TSEN34: variants seen among roughly 807,000 people sequenced by gnomAD.
TSEN34 encodes tRNA splicing endonuclease subunit 34, also known as tRNA-splicing endonuclease subunit Sen34.
TSEN34 carries 25 observed loss-of-function variants against 30.2 expected under a neutral mutation model. That is an observed-to-expected ratio of 0.83 (90% CI 0.60 to 1.16). The LOEUF (loss-of-function observed/expected upper bound fraction) is 1.16. Among genes scored for constraint, TSEN34 ranks in the 50% most tolerant of loss-of-function variants. The pLI is 0.00. For synonymous variants in TSEN34, 209 were observed against 177.4 expected, an observed-to-expected ratio of 1.18 and a Z score of -1.41; for missense variants, 475 against 411.9, an observed-to-expected ratio of 1.15 and a Z score of -1.33.
At chr19:54,191,048 C>G, upstream of TSEN34, 1 of 1,247,008 alleles carries the variant, frequency 8.0e-7, no homozygotes, top group African/African-American at 1.6e-5. Context: ...GTAGGTACGG[C>G]AGTGCGGGCA....
chr19:54,191,419 G>GT lies in TSEN34; in HGVS notation c.56dup (p.Gln20AlafsTer84), dbSNP rs1323715762. The GT allele has an allele frequency of 6.5e-7, 1 of 1,548,882 alleles. No individual in the cohort carries two copies. Among genetic ancestry groups the GT allele is most frequent in the Non-Finnish European group, 8.7e-7 (1 of 1,146,864 alleles). The stretch of plus-strand genomic sequence containing the variant: ...CTCCCTGGTGTGGGGAGCCGAGGCG[G>GT]TGCAGGCCCTCCGGGAGCGCCTGGG... On this transcript the variant is annotated frameshift_variant, in exon 1 of 4. Coordinates refer to ENST00000396388, the MANE Select transcript of TSEN34 (RefSeq NM_001077446.4). LOFTEE classifies it high-confidence loss of function.
chr19:54,190,518 G>C, upstream of TSEN34: 3 of 1,327,832 alleles, frequency 2.3e-6, no homozygotes, highest in Non-Finnish European at 2.9e-6. Context: ...TGTGGGGTTC[G>C]GTCGTAGGGC....
upstream of TSEN34, chr19:54,190,097 T>A: frequency 5.6e-6 from 3 of 535,984 alleles, no homozygotes; most frequent in Non-Finnish European, 9.8e-6. Flanking sequence ...GGCGTGCGCC[T>A]ACGGGACCGG....
At position 54,193,496 on chromosome 19, in the gene TSEN34, A is replaced by G. The variant is rs531236819; in HGVS notation, c.*134A>G. The G allele has an allele frequency of 1.2e-5, 19 of 1,547,608 alleles. No individual in the cohort carries two copies. The highest frequency in any genetic ancestry group is 9.8e-5 in the East Asian group (4 of 40,946). On this transcript the variant is annotated 3_prime_UTR_variant, in exon 4 of 4. Coordinates refer to ENST00000396388, the MANE Select transcript of TSEN34 (RefSeq NM_001077446.4). ...AGTTTTTGATTCCAGGTTTTCGAAC[A>G]CTACATCTTTTTTATGTTCTTCCTT...
Position 54,192,226 on chromosome 19 carries a change from C to G in TSEN34, c.598C>G (p.Leu200Val). The change falls in exon 3 of 4, where the codon CTG becomes GTG. Residue 200 changes from leucine (L) to valine (V), a missense_variant. Leu to Val is a conservative substitution (Grantham distance 32). Coordinates refer to ENST00000396388, the MANE Select transcript of TSEN34 (RefSeq NM_001077446.4). ...ARPRPVKARPLDWRVQSKDWP... is the reference protein window; with the variant it reads ...ARPRPVKARPVDWRVQSKDWP... ...GCCTCGACCGGTCAAGGCCAGGCCC[C>G]TGGACTGGCGTGTCCAGTCTAAAGA... 6.2e-7 allele frequency: 1 copy of G among 1,614,138 alleles called. No individual in the cohort carries two copies. Among genetic ancestry groups the G allele is most frequent in the South Asian group, 1.1e-5 (1 of 91,080 alleles).
chr19:54,191,741 C>G lies in TSEN34; in HGVS notation c.264C>G (p.Arg88=). 2 of 1,614,096 alleles carry G rather than the reference C, an allele frequency of 1.2e-6. No individual in the cohort carries two copies. Among genetic ancestry groups the G allele is most frequent in the Non-Finnish European group, 1.7e-6 (2 of 1,180,026 alleles). ...CTCAGGCCCTGACATCCTTCAAGCG[C>G]CAGCAAGAGGAGAGCTTCCAGGAGC... ...HHSLALTSFK[R]QQEESFQEQS... The change falls in exon 2 of 4, where the codon CGC becomes CGG. Residue 88 remains arginine (R), a synonymous_variant. Coordinates refer to ENST00000396388, the MANE Select transcript of TSEN34 (RefSeq NM_001077446.4).
At chr19:54,190,250 G>T, upstream of TSEN34, 1 of 1,009,366 alleles carries the variant, frequency 9.9e-7, no homozygotes, top group East Asian at 2.8e-5. Context: ...GACTTCCCGC[G>T]GCGCTGATGG....
chr19:54,191,309 G>A lies in TSEN34; in HGVS notation c.-56G>A. 3.2e-6 allele frequency: 5 copies of A among 1,546,940 alleles called. No homozygotes were observed. Among genetic ancestry groups the A allele is most frequent in the African/African-American group, 1.4e-5 (1 of 72,908 alleles). On this transcript the variant is annotated 5_prime_UTR_variant, in exon 1 of 4. Transcript: ENST00000396388. ...CGGAGGCTTTGGGTGCGCTGCAGCG[G>A]TCCGCGGCGCGCAGCTGTTTCGGTA...
At chr19:54,192,959 C>T (rs773234644) in intron 3 of TSEN34, among the ~76,000 whole-genome samples, 2 of 141,108 alleles carry the variant, frequency 1.4e-5, no homozygotes, top group Non-Finnish European at 1.5e-5. Context: ...GAGCCAAGAT[C>T]GTGCCATTGC....
At position 54,193,879 on chromosome 19, in the gene TSEN34, A is replaced by G. The variant is rs954975182; in HGVS notation, c.*517A>G. The stretch of plus-strand genomic sequence containing the variant: ...TTCCTTTTGAAAAGATTTCTATGAA[A>G]TTTCCCAGATGCATACAAACGTTAT... On this transcript the variant is annotated 3_prime_UTR_variant, in exon 4 of 4. Transcript: ENST00000396388. The G allele has an allele frequency of 3.6e-5, 21 of 586,694 alleles. No individual in the cohort carries two copies. The highest frequency in any genetic ancestry group is 5.7e-5 in the Non-Finnish European group (19 of 331,414). 36.3% of individuals were successfully genotyped at this position (586,694 alleles called of 1,614,324 possible). A position where few individuals can be genotyped will look rare whatever the true frequency, so the allele number is the denominator to read the frequency against.
chr19:54,192,324 C>A lies in TSEN34; in HGVS notation c.696C>A (p.Phe232Leu). 1.2e-6 allele frequency: 2 copies of A among 1,614,202 alleles called. No individual in the cohort carries two copies. The highest frequency in any genetic ancestry group is 1.7e-6 in the Non-Finnish European group (2 of 1,180,042). The change falls in exon 3 of 4, where the codon TTC becomes TTA. Residue 232 changes from phenylalanine to leucine, a missense_variant. Physicochemically the swap from Phe to Leu is conservative, Grantham distance 22. Coordinates refer to ENST00000396388, the MANE Select transcript of TSEN34 (RefSeq NM_001077446.4). ...ACAGAGACCTGTGGGAGCGAGGCTTCTTCCTCAGTGCGGCTGGCAAGTTCG... is the reference window on the plus strand; with the variant it reads ...ACAGAGACCTGTGGGAGCGAGGCTTATTCCTCAGTGCGGCTGGCAAGTTCG... ...SIYRDLWERG[F>L]FLSAAGKFGG...
intron 3 of TSEN34, 131 bp from the exon 4 acceptor site, chr19:54,193,044 C>T (rs1050773875): frequency 5.8e-6 from 7 of 1,213,644 alleles, no homozygotes; most frequent in Non-Finnish European, 8.2e-6. Context: ...ATAGTTGTGT[C>T]CAAGAGCATC....
upstream of TSEN34, chr19:54,190,550 C>T (rs1468312589): frequency 3.1e-5 from 38 of 1,227,472 alleles, no homozygotes; most frequent in Admixed American, 8.3e-5. Flanking sequence ...AACTGGGGTG[C>T]GCTGGCGCTC....
upstream of TSEN34, chr19:54,189,979 A>G (rs1423499607): frequency 1.4e-5 from 6 of 425,654 alleles, no homozygotes; most frequent in South Asian, 5.7e-5. Context: ...GGTACAAGTG[A>G]CGCTAGGATG....
chr19:54,190,785 C>A (rs894798882), upstream of TSEN34: 3 of 1,116,430 alleles, frequency 2.7e-6, no homozygotes, highest in Non-Finnish European at 3.3e-6. Flanking sequence ...GGGTTTTGTA[C>A]TGTGGGAGTC....
chr19:54,192,630 G>T (rs1193467876), intron 3 of TSEN34, among the ~76,000 whole-genome samples: 1 of 151,974 alleles, frequency 6.6e-6, no homozygotes, highest in Non-Finnish European at 1.5e-5. Flanking sequence ...GAAACATTTG[G>T]GAGCTCCCGA....
chr19:54,191,036 T>G, upstream of TSEN34: 2 of 1,199,592 alleles, frequency 1.7e-6, no homozygotes, highest in Non-Finnish European at 2.1e-6. Context: ...CAAGGCGCAA[T>G]GGTAGGTACG....
upstream of TSEN34, chr19:54,191,238 G>T (rs2076674502): frequency 2.1e-6 from 3 of 1,452,258 alleles, no homozygotes; most frequent in Non-Finnish European, 2.7e-6. Flanking sequence ...GCGGCTGAGC[G>T]AGGCCCCGCC....
upstream of TSEN34, chr19:54,190,287 G>A: frequency 7.5e-7 from 1 of 1,338,876 alleles, no homozygotes; most frequent in Non-Finnish European, 1.0e-6. Context: ...TGACGAGGGT[G>A]TCGGCATGAG....
Sources: gnomAD v4.1 joint callset for allele counts (sites outside exome capture counted in the v4.1 genomes callset) on GRCh38, gnomAD v4.1.1 for gene constraint, MANE v1.5 for transcripts, NCBI Gene and HGNC (gene_info 2026-07-23, HGNC 2026-07-21) for gene names.